POLH: variants seen among roughly 807,000 people sequenced by gnomAD.
The protein encoded by POLH is DNA polymerase eta transcript.
A neutral mutation model predicts 73.6 loss-of-function variants in POLH; 53 were observed. That is an observed-to-expected ratio of 0.72 (90% CI 0.58 to 0.91). POLH has a LOEUF of 0.91. Among genes scored for constraint, POLH ranks in the 40% least tolerant of loss-of-function variants. POLH has a pLI of 0.00. For synonymous variants in POLH, 292 were observed against 308.5 expected, an observed-to-expected ratio of 0.95 and a Z score of 0.56; for missense variants, 768 against 865.4, an observed-to-expected ratio of 0.89 and a Z score of 1.41.
At chr6:43,578,120 C>G (rs59737493) in intron 1 of POLH, among the ~76,000 whole-genome samples, 5,186 of 151,818 alleles carry the variant, frequency 0.034, 282 homozygotes, top group African/African-American at 0.12. Context: ...AGCGCGATGG[C>G]TCACGCCTGT....
chr6:43,590,756 C>T (rs187087350), intron 4 of POLH: 1 of 151,848 alleles, frequency 6.6e-6, no homozygotes, highest in East Asian at 1.9e-4. Flanking sequence ...AACCCCATCT[C>T]TACTAAAAAT....
At chr6:43,584,444 C>G (rs1382301639) in intron 3 of POLH, among the ~76,000 whole-genome samples, 1 of 152,200 alleles carries the variant, frequency 6.6e-6, no homozygotes, top group Non-Finnish European at 1.5e-5. Context: ...GCTCAAGAGG[C>G]TGTGAGGAAG....
intron 9 of POLH, 122 bp downstream of exon 9, chr6:43,605,441 T>TTA: frequency 8.9e-5 from 49 of 550,388 alleles, no homozygotes; most frequent in Non-Finnish European, 1.1e-4. Context: ...TCCGTTTTCT[T>TTA]TCTTTTTTTT....
intron 1 of POLH, among the ~76,000 whole-genome samples, chr6:43,580,185 G>A (rs1437329893): frequency 1.4e-5 from 2 of 145,828 alleles, no homozygotes; most frequent in Admixed American, 6.7e-5. Context: ...ATTTAACCCT[G>A]AGTGGACACA....
chr6:43,576,822 A>G (rs1293614199), intron 1 of POLH, among the ~76,000 whole-genome samples: 2 of 152,220 alleles, frequency 1.3e-5, no homozygotes, highest in Non-Finnish European at 2.9e-5. Flanking sequence ...CTTATCCAAA[A>G]GCATGGCTTG....
Position 43,605,261 on chromosome 6 carries a change from G to T in POLH, c.1016G>T (p.Trp339Leu). The T allele has an allele frequency of 6.4e-7, 1 of 1,570,646 alleles. No individual in the cohort carries two copies. Among genetic ancestry groups the T allele is most frequent in the Admixed American group, 1.7e-5 (1 of 59,886 alleles). The change falls in exon 9 of 11, where the codon TGG becomes TTG. Residue 339 changes from tryptophan to leucine, a missense_variant. By Grantham distance (61) the Trp-to-Leu change is moderately conservative. Coordinates refer to ENST00000372236, the MANE Select transcript of POLH (RefSeq NM_006502.3). ...GTCTCAATACTTTTTTAGGTACAAT[G>T]GTGGCTGTTGCAATTAGCCCAGGAA... ...TALATREQVQWWLLQLAQELE... is the reference protein window; with the variant it reads ...TALATREQVQLWLLQLAQELE...
At chr6:43,583,630 A>G (rs1331048572) in intron 3 of POLH, among the ~76,000 whole-genome samples, 4 of 152,218 alleles carry the variant, frequency 2.6e-5, no homozygotes, top group African/African-American at 9.6e-5. Context: ...GGGGGATATG[A>G]ATCAGCATAG....
At chr6:43,586,631 A>G (rs910300918) in intron 3 of POLH, among the ~76,000 whole-genome samples, 1 of 152,244 alleles carries the variant, frequency 6.6e-6, no homozygotes, top group Non-Finnish European at 1.5e-5. Context: ...GCCCAGACAC[A>G]TCACCACATT....
At chr6:43,609,971 C>A (rs570544076) in intron 9 of POLH, among the ~76,000 whole-genome samples, 20 of 152,004 alleles carry the variant, frequency 1.3e-4, no homozygotes, top group Middle Eastern at 3.4e-3. Context: ...CTTTTTACAC[C>A]CAGAAATAGC....
intron 1 of POLH, 62 bp from the exon 2 acceptor site, chr6:43,582,254 A>G: frequency 1.4e-6 from 2 of 1,474,018 alleles, no homozygotes; most frequent in Non-Finnish European, 9.5e-7. Context: ...ATGGAATTAC[A>G]GTTTTCCCTG....
intron 4 of POLH, among the ~76,000 whole-genome samples, chr6:43,589,574 ATTAT>A (rs1349469422): frequency 6.6e-6 from 1 of 151,220 alleles, no homozygotes; most frequent in Non-Finnish European, 1.5e-5. Flanking sequence ...AAATGGTAAA[ATTAT>A]TTATTTTTTG....
In POLH at chr6:43,600,992, T is replaced by C; in HGVS notation, c.665T>C (p.Leu222Pro). 1 of 1,613,070 alleles carries C rather than the reference T, an allele frequency of 6.2e-7. No homozygotes were observed. Reference protein sequence around the residue: ...CSAGISHNKVLAKLACGLNKP... With the variant: ...CSAGISHNKVPAKLACGLNKP... The stretch of plus-strand genomic sequence containing the variant: ...TTATACTTTGCATGCTTCCAGGTCC[T>C]GGCAAAACTGGCCTGTGGACTAAAC... The change falls in exon 6 of 11, where the codon CTG (leucine) becomes CCG (proline). Residue 222 changes from leucine (L) to proline (P), a missense_variant. Coordinates refer to ENST00000372236, the MANE Select transcript of POLH (RefSeq NM_006502.3).
intron 9 of POLH, among the ~76,000 whole-genome samples, chr6:43,608,853 A>T (rs367813108): frequency 3.3e-5 from 5 of 152,218 alleles, no homozygotes; most frequent in African/African-American, 1.2e-4. Context: ...ATATTAAGGA[A>T]TTTTTTAAAA....
rs571269991 is a variant in POLH at position 43,614,231 on chromosome 6, G to A, written c.1816G>A (p.Ala606Thr). Residue 606 changes from alanine (A) to threonine (T), a missense_variant, in exon 11 of 11, where the codon GCC becomes ACC. Coordinates refer to ENST00000372236, the MANE Select transcript of POLH (RefSeq NM_006502.3). ...GGCCCACAACAGCCAAAGCATGCAC[G>A]CCTCTTCAGCTTCCAAATCTGTGCT... ...DLAHNSQSMH[A>T]SSASKSVLEV... 9.3e-6 allele frequency: 15 copies of A among 1,608,808 alleles called. No homozygotes were observed. Among genetic ancestry groups the A allele is most frequent in the South Asian group, 3.3e-5 (3 of 90,874 alleles).
At chr6:43,599,319 A>T (rs868013521) in intron 5 of POLH, among the ~76,000 whole-genome samples, 16 of 152,088 alleles carry the variant, frequency 1.1e-4, no homozygotes, top group African/African-American at 3.6e-4. Context: ...TTATCTTGTT[A>T]TGTGGAATTG....
At position 43,583,113 on chromosome 6, in the gene POLH, G is replaced by C. The variant is rs1764464098; in HGVS notation, c.244G>C (p.Glu82Gln). 6.2e-7 allele frequency: 1 copy of C among 1,613,868 alleles called. No homozygotes were observed. The highest frequency in any genetic ancestry group is 1.7e-5 in the Admixed American group (1 of 59,988). The change falls in exon 3 of 11, where the codon GAG (glutamate) becomes CAG (glutamine). Residue 82 changes from glutamate (E) to glutamine (Q), a missense_variant. Physicochemically the swap from Glu to Gln is conservative, Grantham distance 29. Coordinates refer to ENST00000372236, the MANE Select transcript of POLH (RefSeq NM_006502.3). ...CPDLLLAQVR[E>Q]SRGKANLTKY... ...AGATCTTCTACTGGCACAAGTTCGT[G>C]AGTCCCGTGGGAAAGCTAACCTCAC...
rs763654639 is a variant in POLH, at chr6:43,597,843, C to G, written c.638C>G (p.Ser213Ter). ...GAGAGGGAGACTGGTTTTCAGTGTT[C>G]AGCTGGAATTTCACACAATAAGGTG... Reference protein sequence around the residue: ...AIERETGFQCSAGISHNKVLA... With the variant: ...AIERETGFQC Residue 213 changes from serine (S) to a stop codon, truncating the protein, a stop_gained, in exon 5 of 11, where the codon TCA (serine) becomes TGA (stop). Transcript: ENST00000372236. LOFTEE classifies it high-confidence loss of function. The G allele has an allele frequency of 1.9e-6, 3 of 1,613,600 alleles. No homozygotes were observed. Among genetic ancestry groups the G allele is most frequent in the Non-Finnish European group, 2.5e-6 (3 of 1,179,544 alleles).
chr6:43,580,937 G>A lies in POLH; in HGVS notation c.-4-1379G>A, dbSNP rs1389441138. Reference sequence around the variant, plus strand: ...CCGGACGGCACGGCTGGCCAGGCGGGGGGCTGACCCCCCCACCTCCCTCCC... The same window carrying A: ...CCGGACGGCACGGCTGGCCAGGCGGAGGGCTGACCCCCCCACCTCCCTCCC... On this transcript the variant is annotated intron_variant, in intron 1 of 10. Coordinates refer to ENST00000372236, the MANE Select transcript of POLH (RefSeq NM_006502.3). 2.1e-5 allele frequency among the ~76,000 whole-genome samples: 3 copies of A among 139,770 alleles called. No individual in the cohort carries two copies. The East Asian group carries it at 6.5e-4, about 31-fold the overall frequency. 91.7% of individuals were successfully genotyped at this position (139,770 alleles called of 152,430 possible).
At chr6:43,576,927 G>A (rs1763408474) in intron 1 of POLH, among the ~76,000 whole-genome samples, 2 of 152,176 alleles carry the variant, frequency 1.3e-5, no homozygotes. Context: ...AGGCGGAGGC[G>A]GGCGGATCAC....
Sources: gnomAD v4.1 joint callset for allele counts (sites outside exome capture counted in the v4.1 genomes callset) on GRCh38, gnomAD v4.1.1 for gene constraint, MANE v1.5 for transcripts, NCBI Gene and HGNC (gene_info 2026-07-23, HGNC 2026-07-21) for gene names.